Variants in INPP4B observed in about 807,000 individuals in gnomAD.
The protein encoded by INPP4B is inositol polyphosphate-4-phosphatase type II B.
A neutral mutation model predicts 122.5 loss-of-function variants in INPP4B; 55 were observed. That is an observed-to-expected ratio of 0.45 (90% CI 0.36 to 0.56). INPP4B has a LOEUF of 0.56. INPP4B is among the 20% of genes least tolerant of loss of function. The pLI is 0.00. For synonymous variants in INPP4B, 403 were observed against 388.7 expected, an observed-to-expected ratio of 1.04 and a Z score of -0.43; for missense variants, 1,000 against 1,097.7, an observed-to-expected ratio of 0.91 and a Z score of 1.26.
At chr4:142,230,522 G>A (rs1853756768) in intron 12 of INPP4B, among the ~76,000 whole-genome samples, 1 of 151,396 alleles carries the variant, frequency 6.6e-6, no homozygotes, top group Admixed American at 6.6e-5. Context: ...GCGCTTGCCT[G>A]TAATTCCGGC....
intron 2 of INPP4B, among the ~76,000 whole-genome samples, chr4:142,534,537 G>A (rs1391704920): frequency 6.6e-6 from 1 of 152,010 alleles, no homozygotes; most frequent in Non-Finnish European, 1.5e-5. Flanking sequence ...AGAACTGTGA[G>A]AAATAAATTT....
intron 11 of INPP4B, among the ~76,000 whole-genome samples, chr4:142,257,403 G>A (rs1313479731): frequency 6.6e-6 from 1 of 152,130 alleles, no homozygotes; most frequent in African/African-American, 2.4e-5. Context: ...TAGGAAAAGA[G>A]GAAGTCAGAT....
In INPP4B at chr4:142,138,713, C is replaced by T. The variant is rs1460150757; in HGVS notation, c.1720+7127G>A. Among the ~76,000 whole-genome samples the T allele has an allele frequency of 2.0e-5, 3 of 151,992 alleles. 1 individual carries two copies. Among genetic ancestry groups the T allele is most frequent in the Non-Finnish European group, 4.4e-5 (3 of 67,970 alleles). On this transcript the variant is annotated intron_variant, in intron 18 of 25. Transcript: ENST00000262992. ...AAATGGGGACAGAACCAGAAACTCC[C>T]CTACAGGCTTGTTGTGAAAAGGAAG...
At chr4:142,367,186 ATATG>A (rs753964123) in intron 7 of INPP4B, among the ~76,000 whole-genome samples, 3,915 of 106,466 alleles carry the variant, frequency 0.037, 104 homozygotes, top group African/African-American at 0.093. Flanking sequence ...TATACATGTA[ATATG>A]TGTGTGTGTG....
At chr4:142,100,312 C>G (rs1783944945) in intron 23 of INPP4B, among the ~76,000 whole-genome samples, 1 of 152,080 alleles carries the variant, frequency 6.6e-6, no homozygotes, top group African/African-American at 2.4e-5. Flanking sequence ...GTGGTTATAT[C>G]TTTTCTATGG....
chr4:142,828,492 G>A (rs542730022), intron 1 of INPP4B, among the ~76,000 whole-genome samples: 1 of 152,178 alleles, frequency 6.6e-6, no homozygotes, highest in East Asian at 1.9e-4. Context: ...TGAGTCCAAG[G>A]TTTAAAAGAC....
chr4:142,287,585 T>C (rs1356417835), intron 9 of INPP4B: 1 of 152,156 alleles, frequency 6.6e-6, no homozygotes, highest in Non-Finnish European at 1.5e-5. Flanking sequence ...TTGGTATCTC[T>C]TGAAGCAGGC....
At chr4:142,112,776 A>G (rs775338225) in intron 21 of INPP4B, 94 bp from the exon 22 acceptor site, 11 of 1,199,226 alleles carry the variant, frequency 9.2e-6, no homozygotes, top group Non-Finnish European at 1.3e-5. Context: ...GGGTTGGAAT[A>G]TAGCACTGAT....
At chr4:142,048,991 C>G (rs1409885392) in intron 25 of INPP4B, among the ~76,000 whole-genome samples, 1 of 151,916 alleles carries the variant, frequency 6.6e-6, no homozygotes, top group Non-Finnish European at 1.5e-5. Context: ...AGACTTACAT[C>G]ATTGTTTACA....
chr4:142,644,406 A>T (rs915093085), intron 2 of INPP4B, among the ~76,000 whole-genome samples: 2 of 151,960 alleles, frequency 1.3e-5, no homozygotes, highest in African/African-American at 2.4e-5. Flanking sequence ...CTTTCAAATT[A>T]TGAGCCAAAA....
At position 142,483,182 on chromosome 4, in the gene INPP4B, CTTTTTTTTTT is replaced by C. The variant is rs5862604; in HGVS notation, c.-190-20466_-190-20457del. On this transcript the variant is annotated intron_variant, in intron 2 of 25. Coordinates refer to ENST00000262992, the MANE Select transcript of INPP4B (RefSeq NM_001101669.3). ...TAATAATGACTGGAGTCAGGCTATGCTTTTTTTTTTTTTTTTTTTTTTTTTTTGCATTCAA... is the reference window on the plus strand; with the variant it reads ...TAATAATGACTGGAGTCAGGCTATGCTTTTTTTTTTTTTTTTTGCATTCAA... 3.9e-3 allele frequency among the ~76,000 whole-genome samples: 187 copies of C among 48,346 alleles called. 2 individuals are homozygous for C. The highest frequency in any genetic ancestry group is 0.018 in the African/African-American group (182 of 10,104). 31.7% of individuals were successfully genotyped at this position (48,346 alleles called of 152,430 possible).
chr4:142,360,684 T>A (rs1248127018), intron 7 of INPP4B, among the ~76,000 whole-genome samples: 1 of 151,928 alleles, frequency 6.6e-6, no homozygotes, highest in Non-Finnish European at 1.5e-5. Context: ...AGCTATACAC[T>A]GCAGGAAAGA....
intron 1 of INPP4B, among the ~76,000 whole-genome samples, chr4:142,818,193 G>T (rs1780348760): frequency 6.6e-6 from 1 of 152,178 alleles, no homozygotes; most frequent in African/African-American, 2.4e-5. Context: ...TGTGCAGCTT[G>T]CATGTAGTCA....
intron 7 of INPP4B, among the ~76,000 whole-genome samples, chr4:142,320,093 T>C: frequency 6.6e-6 from 1 of 152,186 alleles, no homozygotes; most frequent in Non-Finnish European, 1.5e-5. Context: ...TTGATGGCTG[T>C]TCACAGGAGG....
chr4:142,682,995 G>A (rs1247008234), intron 2 of INPP4B, among the ~76,000 whole-genome samples: 4 of 151,402 alleles, frequency 2.6e-5, no homozygotes, highest in African/African-American at 9.8e-5. Context: ...TCAAAAAGAT[G>A]TGTCTCTTAG....
At chr4:142,628,538 T>G (rs1230151697) in intron 2 of INPP4B, among the ~76,000 whole-genome samples, 1 of 121,326 alleles carries the variant, frequency 8.2e-6, no homozygotes, top group African/African-American at 3.1e-5. Flanking sequence ...AATGTGCACA[T>G]GTACCCTAAA....
chr4:142,196,424 C>T (rs1838246642), intron 14 of INPP4B, among the ~76,000 whole-genome samples: 1 of 152,146 alleles, frequency 6.6e-6, no homozygotes, highest in South Asian at 2.1e-4. Flanking sequence ...CTCTTCCTTC[C>T]TGATTCCCTG....
rs140555182 is a variant in INPP4B, at chr4:142,442,275, G to C, written c.-126-10890C>G. On this transcript the variant is annotated intron_variant, in intron 3 of 25. Transcript: ENST00000262992. ...AAAAATACAGAAATTAGCTGGACGT[G>C]GTGGCATGTGCCTGTAATCCCAGCT... Among the ~76,000 whole-genome samples the C allele has an allele frequency of 1.0e-3, 158 of 151,978 alleles. 1 individual carries two copies. The highest frequency in any genetic ancestry group is 3.3e-3 in the African/African-American group (138 of 41,450).
chr4:142,523,150 G>T (rs1826326254), intron 2 of INPP4B, among the ~76,000 whole-genome samples: 1 of 152,122 alleles, frequency 6.6e-6, no homozygotes, highest in Non-Finnish European at 1.5e-5. Context: ...AGTTGTTCCA[G>T]CATGAACAGC....
Sources: gnomAD v4.1 joint callset for allele counts (sites outside exome capture counted in the v4.1 genomes callset) on GRCh38, gnomAD v4.1.1 for gene constraint, MANE v1.5 for transcripts, NCBI Gene and HGNC (gene_info 2026-07-23, HGNC 2026-07-21) for gene names.